The following PIEZO2 variants were observed in gnomAD, a reference collection of about 807,000 sequenced individuals.
PIEZO2 encodes piezo-type mechanosensitive ion channel component 2.
PIEZO2 carries 172 observed loss-of-function variants against 337.3 expected under a neutral mutation model. That is an observed-to-expected ratio of 0.51 (90% confidence interval 0.45 to 0.58). PIEZO2 has a LOEUF of 0.58. Ranked by LOEUF, PIEZO2 falls within the 20% of genes least tolerant of loss-of-function variation. PIEZO2 has a pLI of 0.00. For synonymous variants in PIEZO2, 1,251 were observed against 1,228.5 expected (o/e 1.02, Z -0.38); for missense variants, 3,028 against 3,391.3 (o/e 0.89, Z 2.66).
At chr18:10,934,276 G>A (rs1369120956) in intron 3 of PIEZO2, among the ~76,000 whole-genome samples, 11 of 152,208 alleles carry the variant, frequency 7.2e-5, no homozygotes, top group Admixed American at 7.2e-4. Flanking sequence ...GTACATGGGT[G>A]ACGAAGGGCA....
rs553564143 is a variant in PIEZO2, at chr18:10,962,518, G to A, written c.286+17017C>T. The stretch of plus-strand genomic sequence containing the variant: ...GGCCAAGCTTCCTCCAGTCTCTGTA[G>A]GTGTGATGTTTCCCCATCAACAGTC... On this transcript the variant is annotated intron_variant, in intron 3 of 55. Coordinates refer to ENST00000674853, the MANE Select transcript of PIEZO2 (RefSeq NM_001378183.1). The surrounding 1 kb of genome is among the most constrained non-coding windows in gnomAD (Gnocchi z 4.1). Among the ~76,000 whole-genome samples the A allele has an allele frequency of 1.2e-4, 19 of 152,248 alleles. No homozygotes were observed. Among genetic ancestry groups the A allele is most frequent in the African/African-American group, 4.6e-4 (19 of 41,540 alleles).
intron 8 of PIEZO2, among the ~76,000 whole-genome samples, chr18:10,806,097 G>T (rs934826610): frequency 1.3e-5 from 2 of 152,226 alleles, no homozygotes; most frequent in African/African-American, 4.8e-5. Flanking sequence ...CTGGCTGACT[G>T]ATGAACATGT....
intron 1 of PIEZO2, among the ~76,000 whole-genome samples, chr18:11,139,361 G>A (rs1487669376): frequency 6.6e-6 from 1 of 152,118 alleles, no homozygotes; most frequent in Non-Finnish European, 1.5e-5. Flanking sequence ...ATAAAAGAAG[G>A]AGGAAGAGAA....
intron 4 of PIEZO2, among the ~76,000 whole-genome samples, chr18:10,891,826 G>C (rs2042765588): frequency 6.6e-6 from 1 of 152,098 alleles, no homozygotes; most frequent in Non-Finnish European, 1.5e-5. Context: ...ACTGTCAAAA[G>C]GTAAAGCTTC....
In PIEZO2 at chr18:10,750,040, C is replaced by T. The variant is rs1598430988; in HGVS notation, c.4264+51G>A. On this transcript the variant is annotated intron_variant, in intron 29 of 55. Coordinates refer to ENST00000674853, the MANE Select transcript of PIEZO2 (RefSeq NM_001378183.1). The surrounding 1 kb of genome is among the most constrained non-coding windows in gnomAD (Gnocchi z 4.1). The stretch of plus-strand genomic sequence containing the variant: ...CACTTTTAAAACTAGAACAATACAA[C>T]TATCCTCCCTCTTCTGCCTTTCTGC... 18 of 1,352,884 alleles carry T rather than the reference C, an allele frequency of 1.3e-5. No individual in the cohort carries two copies. The highest frequency in any genetic ancestry group is 1.8e-5 in the Non-Finnish European group (18 of 979,128). 83.8% of individuals were successfully genotyped at this position (1,352,884 alleles called of 1,614,324 possible).
chr18:10,742,428 C>G, intron 32 of PIEZO2, 66 bp downstream of exon 32: 1 of 1,495,368 alleles, frequency 6.7e-7, no homozygotes, highest in South Asian at 1.2e-5. Context: ...TATTTTACAG[C>G]CCTGCTCAAT....
rs1341130742 is a variant in PIEZO2, at chr18:11,038,598, A to T, written c.160+27529T>A. On this transcript the variant is annotated intron_variant, in intron 2 of 55. Transcript: ENST00000674853. This position sits in a 1 kb window ranked among gnomAD's most constrained non-coding sequence, Gnocchi z 4.1. ...ATGACCTGTGAACACCCCACAGTGC[A>T]GCTGAGGAGCAGCATGTAGTCAGGA... Among the ~76,000 whole-genome samples the T allele has an allele frequency of 6.6e-6, 1 of 152,186 alleles. No homozygotes were observed. Among genetic ancestry groups the T allele is most frequent in the Non-Finnish European group, 1.5e-5 (1 of 68,030 alleles).
At chr18:10,924,131 T>C (rs2031584050) in intron 3 of PIEZO2, among the ~76,000 whole-genome samples, 1 of 152,152 alleles carries the variant, frequency 6.6e-6, no homozygotes, top group African/African-American at 2.4e-5. Flanking sequence ...TGCTCTCCAC[T>C]CTGTCCCAAC....
chr18:10,895,593 G>A lies in PIEZO2; in HGVS notation c.329+15593C>T, dbSNP rs1450453420. Among the ~76,000 whole-genome samples, 6 of 152,296 alleles carry A rather than the reference G, an allele frequency of 3.9e-5. No individual in the cohort carries two copies. Among genetic ancestry groups the A allele is most frequent in the Non-Finnish European group, 5.9e-5 (4 of 68,028 alleles). Reference sequence around the variant, plus strand: ...GTACCTGTGCAGCAGTAGCAGTGCCGTGTGGGGTTGGTGATTGTGGGGTTG... The same window carrying A: ...GTACCTGTGCAGCAGTAGCAGTGCCATGTGGGGTTGGTGATTGTGGGGTTG... On this transcript the variant is annotated intron_variant, in intron 4 of 55. Coordinates refer to ENST00000674853, the MANE Select transcript of PIEZO2 (RefSeq NM_001378183.1). This position sits in a 1 kb window ranked among gnomAD's most constrained non-coding sequence, Gnocchi z 4.8.
chr18:10,701,845 T>TTA, intron 43 of PIEZO2, 144 bp downstream of exon 43: 5 of 316,448 alleles, frequency 1.6e-5, no homozygotes, highest in Non-Finnish European at 1.5e-5. Flanking sequence ...TTTTTTTTTT[T>TTA]AAAAAAAACA....
chr18:10,933,540 G>A (rs761877871), intron 3 of PIEZO2, among the ~76,000 whole-genome samples: 12 of 152,288 alleles, frequency 7.9e-5, no homozygotes, highest in East Asian at 1.9e-4. Context: ...CACTATGTCC[G>A]ATATCCCATT....
chr18:11,109,738 A>G lies in PIEZO2; in HGVS notation c.64+38787T>C, dbSNP rs1261837781. Among the ~76,000 whole-genome samples the G allele has an allele frequency of 6.6e-6, 1 of 152,098 alleles. No individual in the cohort carries two copies. Among genetic ancestry groups the G allele is most frequent in the Non-Finnish European group, 1.5e-5 (1 of 68,010 alleles). ...ATCTCAAAAAAAAAAGGTACTAGAA[A>G]CAGAATCCTTAATGCTAAGAAGCAA... On this transcript the variant is annotated intron_variant, in intron 1 of 55. Coordinates refer to ENST00000674853, the MANE Select transcript of PIEZO2 (RefSeq NM_001378183.1). The surrounding 1 kb of genome is among the most constrained non-coding windows in gnomAD (Gnocchi z 5.1).
chr18:10,756,092 AGAG>A (rs1221518285), intron 27 of PIEZO2, among the ~76,000 whole-genome samples: 2 of 135,634 alleles, frequency 1.5e-5, no homozygotes, highest in Non-Finnish European at 3.2e-5. Context: ...TGGAGGATGA[AGAG>A]GAGAGATAGG....
rs57885955 is a variant in PIEZO2 at position 11,143,600 on chromosome 18, AACACACACACACACACACAC to A, written c.64+4905_64+4924del. On this transcript the variant is annotated intron_variant, in intron 1 of 55. Transcript: ENST00000674853. This position sits in a 1 kb window ranked among gnomAD's most constrained non-coding sequence, Gnocchi z 4.9. The stretch of plus-strand genomic sequence containing the variant: ...AAAATCCTGAGAACTAAAAATCTCT[AACACACACACACACACACAC>A]ACACACACACACACACACACTCTCT... Among the ~76,000 whole-genome samples, 3 of 106,586 alleles carry A rather than the reference AACACACACACACACACACAC, an allele frequency of 2.8e-5. No homozygotes were observed. The highest frequency in any genetic ancestry group is 1.1e-4 in the Admixed American group (1 of 9,304). The allele number at this position is 106,586 out of a possible 152,430, so 69.9% of individuals were successfully genotyped here.
intron 3 of PIEZO2, among the ~76,000 whole-genome samples, chr18:10,919,911 T>C (rs922531209): frequency 5.9e-5 from 9 of 152,090 alleles, no homozygotes; most frequent in Admixed American, 5.9e-4. Flanking sequence ...TTTAAGAACC[T>C]TGAAAATAGA....
intron 1 of PIEZO2, among the ~76,000 whole-genome samples, chr18:11,124,983 G>C (rs1246486669): frequency 6.6e-6 from 1 of 152,092 alleles, no homozygotes; most frequent in South Asian, 2.1e-4. Context: ...TTAAGTCCAG[G>C]TGTAGATCTA....
At chr18:11,034,495 G>A (rs1353495726) in intron 2 of PIEZO2, among the ~76,000 whole-genome samples, 3 of 151,916 alleles carry the variant, frequency 2.0e-5, no homozygotes, top group African/African-American at 7.2e-5. Context: ...GGGTTTCGCC[G>A]TGTTAGCCAG....
rs1415170711 is a variant in PIEZO2 at position 11,070,898 on chromosome 18, C to T, written c.65-4676G>A. Among the ~76,000 whole-genome samples the T allele has an allele frequency of 6.6e-6, 1 of 151,876 alleles. No individual in the cohort carries two copies. Among genetic ancestry groups the T allele is most frequent in the South Asian group, 2.1e-4 (1 of 4,814 alleles). On this transcript the variant is annotated intron_variant, in intron 1 of 55. Transcript: ENST00000674853. The surrounding 1 kb of genome is among the most constrained non-coding windows in gnomAD (Gnocchi z 4.3). ...CACATCAGGATGCGAGTGGCGGGTA[C>T]CCAGACAGGAAGACCAGATCAAGAA...
Position 10,871,179 on chromosome 18 carries a change from T to C in PIEZO2, c.492+74A>G, listed in dbSNP as rs2042130246. The C allele has an allele frequency of 5.7e-6, 8 of 1,392,030 alleles. No individual in the cohort carries two copies. The South Asian group carries it at 8.3e-5, about 14-fold the overall frequency. 86.2% of individuals were successfully genotyped at this position (1,392,030 alleles called of 1,614,324 possible). A position where few individuals can be genotyped will look rare whatever the true frequency, so the allele number is the denominator to read the frequency against. ...TGCTCTGTATGCTCAGCTGTTATTA[T>C]CATAGTTCTGCAACTTATTAAGGGT... On this transcript the variant is annotated intron_variant, in intron 5 of 55. Coordinates refer to ENST00000674853, the MANE Select transcript of PIEZO2 (RefSeq NM_001378183.1).
Sources: gnomAD v4.1 joint callset for allele counts (sites outside exome capture counted in the v4.1 genomes callset) on GRCh38, gnomAD v4.1.1 for gene constraint, Gnocchi (gnomAD v3.1) non-coding constraint, MANE v1.5 for transcripts, NCBI Gene and HGNC (gene_info 2026-07-23, HGNC 2026-07-21) for gene names.